The following GPR149 variants were observed in gnomAD, a reference collection of about 807,000 sequenced individuals.
GPR149 encodes probable G protein-coupled receptor 149.
Under a neutral mutation model 50.2 loss-of-function variants are expected in GPR149, and 50 were observed. The ratio of observed to expected loss-of-function variants is 1.00; its 90% CI spans 0.79 to 1.26. The LOEUF is 1.26. GPR149 is among the 50% of genes most tolerant of loss of function. GPR149 has a pLI of 0.00. For synonymous variants in GPR149, 405 were observed against 358.2 expected (o/e 1.13, Z -1.48); for missense variants, 983 against 895.4 (o/e 1.10, Z -1.25).
At chr3:154,372,019 G>T (rs759217072) in intron 3 of GPR149, among the ~76,000 whole-genome samples, 5 of 147,764 alleles carry the variant, frequency 3.4e-5, no homozygotes, top group Non-Finnish European at 7.5e-5. Flanking sequence ...AGCCTAAAAA[G>T]TTCCCCTCTG....
chr3:154,356,394 CCT>C (rs1487171449), intron 3 of GPR149, among the ~76,000 whole-genome samples: 5 of 152,084 alleles, frequency 3.3e-5, no homozygotes, highest in African/African-American at 1.2e-4. Context: ...TCAAATTGTC[CCT>C]GTTTGCAGAT....
At chr3:154,373,219 G>T (rs953977352) in intron 3 of GPR149, among the ~76,000 whole-genome samples, 2 of 152,260 alleles carry the variant, frequency 1.3e-5, no homozygotes, top group East Asian at 1.9e-4. Flanking sequence ...TGTCAGGAAT[G>T]TGTCATGTCA....
In GPR149 at chr3:154,365,360, A is replaced by T. The variant is rs1714504930; in HGVS notation, c.1624-27089T>A. 2.0e-5 allele frequency among the ~76,000 whole-genome samples: 3 copies of T among 152,208 alleles called. No homozygotes were observed. In the South Asian group the frequency reaches 6.2e-4, roughly 32 times the overall value. ...TGTGATGGGAGTGGCAGTCTCAAAG[A>T]TCTCCAAAATGCCTTCAGAGTTATT... On this transcript the variant is annotated intron_variant, in intron 3 of 3. Coordinates refer to ENST00000389740, the MANE Select transcript of GPR149 (RefSeq NM_001038705.3).
Position 154,338,050 on chromosome 3 carries a change from C to T in GPR149, c.1845G>A (p.Val615=). ...DSSSTFVDTS[V]KIHLEVLEIC... is the part of the protein sequence containing the mutation. ...TTTCAAGAACCTCCAAGTGTATTTT[C>T]ACACTGGTGTCCACAAACGTGGATG... is the stretch of plus-strand genomic sequence containing the variant. The change falls in exon 4 of 4, where the codon GTG becomes GTA. Residue 615 remains valine (V), a synonymous_variant. Coordinates refer to ENST00000389740, the MANE Select transcript of GPR149 (RefSeq NM_001038705.3). 3 of 1,614,224 alleles carry T rather than the reference C, an allele frequency of 1.9e-6. No individual in the cohort carries two copies. The highest frequency in any genetic ancestry group is 1.1e-5 in the South Asian group (1 of 91,088).
chr3:154,412,976 T>C (rs1300795309), intron 3 of GPR149, among the ~76,000 whole-genome samples: 2 of 151,958 alleles, frequency 1.3e-5, no homozygotes, highest in Admixed American at 6.6e-5. Flanking sequence ...TGGAACAGAA[T>C]AGGGAACCCA....
intron 3 of GPR149, among the ~76,000 whole-genome samples, chr3:154,407,719 C>CACACACACACAT (rs759884952): frequency 1.6e-3 from 237 of 150,436 alleles, no homozygotes; most frequent in African/African-American, 4.9e-3. Flanking sequence ...CACACACACA[C>CACACACACACAT]ATATATATAT....
intron 3 of GPR149, among the ~76,000 whole-genome samples, chr3:154,396,459 T>A (rs1715295731): frequency 6.6e-6 from 1 of 152,130 alleles, no homozygotes; most frequent in African/African-American, 2.4e-5. Context: ...TACTCTTCTT[T>A]TGCTTCAAAG....
At chr3:154,407,872 G>A (rs1383468920) in intron 3 of GPR149, among the ~76,000 whole-genome samples, 1 of 152,072 alleles carries the variant, frequency 6.6e-6, no homozygotes. Context: ...TCTTGATTCT[G>A]GGGCCAGGTT....
At chr3:154,415,364 T>C (rs1711957523) in intron 3 of GPR149, among the ~76,000 whole-genome samples, 1 of 151,962 alleles carries the variant, frequency 6.6e-6, no homozygotes, top group Non-Finnish European at 1.5e-5. Flanking sequence ...ATGCATGCTG[T>C]GAAGATCACA....
In GPR149 at chr3:154,335,278, G is replaced by C. The variant is rs1035099719; in HGVS notation, c.*2421C>G. 1.1e-4 allele frequency: 17 copies of C among 152,156 alleles called. No individual in the cohort carries two copies. The East Asian group carries it at 3.1e-3, about 28-fold the overall frequency. 9.4% of individuals were successfully genotyped at this position (152,156 alleles called of 1,614,324 possible). A position where few individuals can be genotyped will look rare whatever the true frequency, so the allele number is the denominator to read the frequency against. ...GGCTATATCACAAGATATCTAGAAA[G>C]GTATTTCCTCTACTAGAAACACACT... On this transcript the variant is annotated 3_prime_UTR_variant, in exon 4 of 4. Coordinates refer to ENST00000389740, the MANE Select transcript of GPR149 (RefSeq NM_001038705.3).
intron 3 of GPR149, among the ~76,000 whole-genome samples, chr3:154,404,287 T>A (rs568837413): frequency 6.6e-6 from 1 of 152,294 alleles, no homozygotes; most frequent in African/African-American, 2.4e-5. Context: ...CACATGGCCA[T>A]GATTATTTGG....
chr3:154,421,447 T>G lies in GPR149; in HGVS notation c.1215A>C (p.Lys405Asn), dbSNP rs1176785718. Residue 405 changes from lysine (K) to asparagine (N), a missense_variant, in exon 3 of 4, where the codon AAA (lysine) becomes AAC (asparagine). By Grantham distance (94) the Lys-to-Asn change is moderately conservative. Coordinates refer to ENST00000389740, the MANE Select transcript of GPR149 (RefSeq NM_001038705.3). ...GTGCTATTTTATAAATCCCATAACT[T>G]TTTTGGAATGATAGATTGAATTCAA... ...KGFEFNLSFQ[K>N]SYGIYKIAHE... 8 of 1,596,158 alleles carry G rather than the reference T, an allele frequency of 5.0e-6. No homozygotes were observed. The South Asian group carries it at 9.1e-5, about 18-fold the overall frequency.
intron 3 of GPR149, among the ~76,000 whole-genome samples, chr3:154,378,583 TTTAAGG>T (rs143146501): frequency 6.0e-4 from 91 of 152,368 alleles, no homozygotes; most frequent in African/African-American, 2.2e-3. Flanking sequence ...ATGTTTAATT[TTTAAGG>T]AAACAGCTCA....
intron 3 of GPR149, among the ~76,000 whole-genome samples, chr3:154,402,829 A>G (rs1461163568): frequency 6.6e-6 from 1 of 152,226 alleles, no homozygotes; most frequent in Non-Finnish European, 1.5e-5. Context: ...GGAGGCTTAT[A>G]TCTTTATATC....
At chr3:154,417,386 T>A (rs968261525) in intron 3 of GPR149, among the ~76,000 whole-genome samples, 1 of 151,992 alleles carries the variant, frequency 6.6e-6, no homozygotes, top group Non-Finnish European at 1.5e-5. Context: ...TTCTACACCT[T>A]AACCTTAATT....
At chr3:154,385,723 A>T (rs701119) in intron 3 of GPR149, among the ~76,000 whole-genome samples, 5 of 147,738 alleles carry the variant, frequency 3.4e-5, no homozygotes, top group Admixed American at 1.3e-4. Context: ...TTTTTTTTAT[A>T]AGGAGTCTTG....
chr3:154,343,983 C>A (rs1358485838), intron 3 of GPR149, among the ~76,000 whole-genome samples: 1 of 151,248 alleles, frequency 6.6e-6, no homozygotes, highest in Non-Finnish European at 1.5e-5. Context: ...TCCCCACCGC[C>A]CCCCCAAAAA....
At chr3:154,377,388 A>G (rs1714818055) in intron 3 of GPR149, among the ~76,000 whole-genome samples, 1 of 148,044 alleles carries the variant, frequency 6.8e-6, no homozygotes, top group African/African-American at 2.5e-5. Flanking sequence ...TATTATTATT[A>G]CTGAGTCTCA....
At chr3:154,381,089 G>A (rs1418570262) in intron 3 of GPR149, among the ~76,000 whole-genome samples, 2 of 152,182 alleles carry the variant, frequency 1.3e-5, no homozygotes, top group African/African-American at 4.8e-5. Context: ...CGTGTAGTCA[G>A]TTTTAGAAAA....
Sources: gnomAD v4.1 joint callset for allele counts (sites outside exome capture counted in the v4.1 genomes callset) on GRCh38, gnomAD v4.1.1 for gene constraint, MANE v1.5 for transcripts, NCBI Gene and HGNC (gene_info 2026-07-23, HGNC 2026-07-21) for gene names.